MYT1L: variants seen among roughly 807,000 people sequenced by gnomAD.
MYT1L encodes myelin transcription factor 1 like, also known as myelin transcription factor 1-like protein.
In MYT1L, 12 loss-of-function variants were observed where a neutral mutation model predicts 126.7. That is an observed-to-expected ratio of 0.09 (90% CI 0.06 to 0.15). The LOEUF (loss-of-function observed/expected upper bound fraction) is 0.15, where lower values mean the gene tolerates loss of function less well. Ranked by LOEUF, MYT1L falls within the 10% of genes least tolerant of loss-of-function variation. MYT1L has a pLI of 1.00. For missense variants in MYT1L, 979 were observed against 1,585.2 expected (o/e 0.62, Z 6.49); for synonymous variants, 541 against 604.2 (o/e 0.90, Z 1.53).
intron 3 of MYT1L, among the ~76,000 whole-genome samples, chr2:2,060,845 CCTCT>C (rs1209482572): frequency 6.8e-6 from 1 of 146,646 alleles, no homozygotes; most frequent in African/African-American, 2.5e-5. Context: ...TCTCTCTTTC[CCTCT>C]CTCTCTCTCC....
chr2:1,805,925 G>T lies in MYT1L; in HGVS notation c.3172+3151C>A, dbSNP rs1349317565. On this transcript the variant is annotated intron_variant, in intron 22 of 24. Coordinates refer to ENST00000647738, the MANE Select transcript of MYT1L (RefSeq NM_001303052.2). ...TTGTCTTTTCCACATCTACAGCAAG[G>T]GCAACAGGAACACAGAGCTTCAGAT... Among the ~76,000 whole-genome samples the T allele has an allele frequency of 2.0e-5, 3 of 152,158 alleles. No individual in the cohort carries two copies. In the East Asian group the frequency reaches 5.8e-4, roughly 29 times the overall value.
intron 8 of MYT1L, among the ~76,000 whole-genome samples, chr2:1,967,925 G>T (rs1460398506): frequency 6.6e-6 from 1 of 152,180 alleles, no homozygotes; most frequent in Non-Finnish European, 1.5e-5. Context: ...TGTCCTCAGG[G>T]AGCCTGGGAG....
chr2:2,189,117 T>C (rs114417001), intron 2 of MYT1L, among the ~76,000 whole-genome samples: 171 of 152,286 alleles, frequency 1.1e-3, no homozygotes, highest in African/African-American at 3.7e-3. Flanking sequence ...AGGACCATCG[T>C]TCTAAAAATG....
intron 4 of MYT1L, among the ~76,000 whole-genome samples, chr2:2,002,511 G>C (rs927536024): frequency 2.0e-5 from 3 of 152,198 alleles, no homozygotes; most frequent in Non-Finnish European, 4.4e-5. Flanking sequence ...TGTGCTCCAG[G>C]TTGCCTAAGA....
chr2:1,978,998 A>G (rs1293618612), intron 8 of MYT1L, among the ~76,000 whole-genome samples, 167 bp downstream of exon 8: 1 of 152,144 alleles, frequency 6.6e-6, no homozygotes, highest in African/African-American at 2.4e-5. Context: ...TTATGTTTTG[A>G]GAACCCTTTC....
At chr2:1,956,549 C>CTATCT (rs1553355524) in intron 8 of MYT1L, among the ~76,000 whole-genome samples, 2 of 139,128 alleles carry the variant, frequency 1.4e-5, no homozygotes, top group African/African-American at 5.4e-5. Flanking sequence ...ATCTATCTAT[C>CTATCT]ATCTATCCTA....
Position 1,887,154 on chromosome 2 carries a change from TAGTA to T in MYT1L, c.2642+330_2642+333del, listed in dbSNP as rs1358195950. ...CAAACAAAAACAAAAACAGCCAAAA[TAGTA>T]AGTATGTTTAAAAAAAAAAAAAACT... On this transcript the variant is annotated intron_variant, in intron 17 of 24. Transcript: ENST00000647738. This position sits in a 1 kb window ranked among gnomAD's most constrained non-coding sequence, Gnocchi z 4.8. 2 of 416,830 alleles carry T rather than the reference TAGTA, an allele frequency of 4.8e-6. No individual in the cohort carries two copies. The highest frequency in any genetic ancestry group is 3.5e-5 in the East Asian group (1 of 28,704). 25.8% of individuals were successfully genotyped at this position (416,830 alleles called of 1,614,324 possible).
At chr2:1,856,919 C>A (rs879222574) in intron 18 of MYT1L, among the ~76,000 whole-genome samples, 1 of 150,338 alleles carries the variant, frequency 6.7e-6, no homozygotes, top group African/African-American at 2.5e-5. Context: ...CATTCATTGT[C>A]CAGGGGTCAG....
At chr2:2,097,159 T>C (rs1470684651) in intron 3 of MYT1L, among the ~76,000 whole-genome samples, 5 of 152,170 alleles carry the variant, frequency 3.3e-5, no homozygotes, top group African/African-American at 1.2e-4. Context: ...TCCGTGGCAC[T>C]TTCTCTATTC....
rs1412753050 is a variant in MYT1L, at chr2:1,843,126, C to T, written c.2775-2283G>A. Among the ~76,000 whole-genome samples the T allele has an allele frequency of 2.0e-5, 3 of 152,372 alleles. No individual in the cohort carries two copies. In the South Asian group the frequency reaches 6.2e-4, roughly 32 times the overall value. On this transcript the variant is annotated intron_variant, in intron 19 of 24. Coordinates refer to ENST00000647738, the MANE Select transcript of MYT1L (RefSeq NM_001303052.2). Reference sequence around the variant, plus strand: ...CCCTGCAACCCTTGCCGCCATCCTTCGGGCTGGCCGATGTCCCTGCCTTGT... The same window carrying T: ...CCCTGCAACCCTTGCCGCCATCCTTTGGGCTGGCCGATGTCCCTGCCTTGT...
intron 2 of MYT1L, among the ~76,000 whole-genome samples, chr2:2,193,852 C>G (rs2092693123): frequency 6.6e-6 from 1 of 151,942 alleles, no homozygotes; most frequent in South Asian, 2.1e-4. Flanking sequence ...TATTTTAGAG[C>G]TGGAGAAATT....
intron 1 of MYT1L, among the ~76,000 whole-genome samples, chr2:2,299,054 A>T (rs972793599): frequency 6.6e-6 from 1 of 152,006 alleles, no homozygotes; most frequent in East Asian, 1.9e-4. Context: ...GGGTTTCACC[A>T]TGTTAGCCAG....
chr2:1,973,158 TG>T (rs1176361597), intron 8 of MYT1L, among the ~76,000 whole-genome samples: 1 of 152,232 alleles, frequency 6.6e-6, no homozygotes, highest in Non-Finnish European at 1.5e-5. Context: ...TCTGGTGAAT[TG>T]GCAGCTTATA....
rs999910363 is a variant in MYT1L at position 1,912,627 on chromosome 2, C to A, written c.1619-517G>T. On this transcript the variant is annotated intron_variant, in intron 11 of 24. Coordinates refer to ENST00000647738, the MANE Select transcript of MYT1L (RefSeq NM_001303052.2). The surrounding 1 kb of genome is among the most constrained non-coding windows in gnomAD (Gnocchi z 4.3). ...GGGTAGATGAATACAGAACCACAAACCTTAATTTTAAATAAAATGAATTAA... is the reference window on the plus strand; with the variant it reads ...GGGTAGATGAATACAGAACCACAAAACTTAATTTTAAATAAAATGAATTAA... Among the ~76,000 whole-genome samples the A allele has an allele frequency of 1.3e-5, 2 of 152,164 alleles. No homozygotes were observed. The highest frequency in any genetic ancestry group is 2.9e-5 in the Non-Finnish European group (2 of 68,024).
At chr2:1,935,147 T>C (rs980271460) in intron 9 of MYT1L, among the ~76,000 whole-genome samples, 3 of 152,332 alleles carry the variant, frequency 2.0e-5, no homozygotes, top group Non-Finnish European at 4.4e-5. Context: ...TCAAATCAAA[T>C]ACTTAAAGCC....
At chr2:1,952,304 A>G (rs1377768985) in intron 8 of MYT1L, among the ~76,000 whole-genome samples, 1 of 152,206 alleles carries the variant, frequency 6.6e-6, no homozygotes, top group African/African-American at 2.4e-5. Context: ...ATAGTAATTC[A>G]AGATTCAAAT....
chr2:2,137,987 T>A (rs1310835606), intron 3 of MYT1L, among the ~76,000 whole-genome samples: 2 of 151,888 alleles, frequency 1.3e-5, no homozygotes, highest in African/African-American at 2.4e-5. Context: ...TCAAACAAAT[T>A]TACAAGAAAA....
At chr2:2,323,817 T>A (rs2096208998) in intron 1 of MYT1L, among the ~76,000 whole-genome samples, 3 of 152,230 alleles carry the variant, frequency 2.0e-5, no homozygotes, top group African/African-American at 7.2e-5. Flanking sequence ...AGTTGCTGGT[T>A]AAATTAGCTA....
At chr2:1,995,538 G>A (rs1012974423) in intron 5 of MYT1L, among the ~76,000 whole-genome samples, 1 of 152,222 alleles carries the variant, frequency 6.6e-6, no homozygotes, top group African/African-American at 2.4e-5. Context: ...AGGGGTGGAA[G>A]GGAAAAGGAA....
Sources: gnomAD v4.1 joint callset for allele counts (sites outside exome capture counted in the v4.1 genomes callset) on GRCh38, gnomAD v4.1.1 for gene constraint, Gnocchi (gnomAD v3.1) non-coding constraint, MANE v1.5 for transcripts, NCBI Gene and HGNC (gene_info 2026-07-23, HGNC 2026-07-21) for gene names.